The following RNF212 variants were observed in gnomAD, a reference collection of about 807,000 sequenced individuals.
RNF212 encodes probable E3 SUMO-protein ligase RNF212.
RNF212 carries 33 observed loss-of-function variants against 34.7 expected under a neutral mutation model. The observed-to-expected ratio is 0.95, with a 90% CI of 0.72 to 1.27. RNF212 has a LOEUF of 1.27. RNF212 is among the 50% of genes most tolerant of loss of function. The pLI is 0.00. For synonymous variants in RNF212, 140 were observed against 136.1 expected (o/e 1.03, Z -0.20); for missense variants, 377 against 362.2 (o/e 1.04, Z -0.33).
intron 8 of RNF212, among the ~76,000 whole-genome samples, chr4:1,075,831 C>T (rs1313604886): frequency 6.6e-6 from 1 of 152,020 alleles, no homozygotes; most frequent in Non-Finnish European, 1.5e-5. Flanking sequence ...CCACCATGCC[C>T]AGCTAATTTT....
chr4:1,059,761 A>G (rs944648866), intron 3 of RNF212, among the ~76,000 whole-genome samples: 4 of 152,276 alleles, frequency 2.6e-5, no homozygotes, highest in African/African-American at 9.6e-5. Flanking sequence ...GATGGCAGGT[A>G]TCTTTTGTTA....
At chr4:1,098,839 C>T (rs632319) in intron 2 of RNF212, among the ~76,000 whole-genome samples, 28,161 of 152,074 alleles carry the variant, frequency 0.19, 4,213 homozygotes, top group African/African-American at 0.42. Context: ...GCGCAGGGAG[C>T]GGGAACTGTC....
At chr4:1,099,854 A>C (rs1486926977) in intron 2 of RNF212, 2 of 456,098 alleles carry the variant, frequency 4.4e-6, no homozygotes, top group Admixed American at 4.7e-5. Context: ...CCTGTGCGGG[A>C]TCCACGGGGC....
At chr4:1,081,040 C>T (rs1014313027) in intron 7 of RNF212, among the ~76,000 whole-genome samples, 7 of 152,194 alleles carry the variant, frequency 4.6e-5, no homozygotes, top group Non-Finnish European at 1.0e-4. Context: ...GGCCATCCCC[C>T]AGGTGAAAGA....
chr4:1,099,250 T>C (rs1338946816), intron 2 of RNF212, among the ~76,000 whole-genome samples: 1 of 152,148 alleles, frequency 6.6e-6, no homozygotes, highest in African/African-American at 2.4e-5. Context: ...TCTGTGAAAA[T>C]GTGCTTCAAG....
chr4:1,107,361 C>T (rs1577834054), intron 2 of RNF212: 1 of 151,156 alleles, frequency 6.6e-6, no homozygotes, highest in East Asian at 2.0e-4. Flanking sequence ...GAGAAGACAC[C>T]ATTTTTATGA....
intron 2 of RNF212, among the ~76,000 whole-genome samples, chr4:1,107,871 T>C (rs1477129745): frequency 6.6e-6 from 1 of 152,252 alleles, no homozygotes; most frequent in Non-Finnish European, 1.5e-5. Context: ...ATGCACATTT[T>C]GGAGATCAGG....
chr4:1,079,801 C>T, intron 7 of RNF212, 113 bp from the exon 8 acceptor site: 1 of 787,754 alleles, frequency 1.3e-6, no homozygotes. Context: ...CTTCCTCTAG[C>T]TTCATGCTGC....
At chr4:1,097,971 A>G (rs1723320683) in intron 2 of RNF212, among the ~76,000 whole-genome samples, 1 of 152,126 alleles carries the variant, frequency 6.6e-6, no homozygotes, top group Non-Finnish European at 1.5e-5. Flanking sequence ...AGGCTGAGGC[A>G]GAAGAATCGC....
At chr4:1,099,388 C>G (rs774106945) in intron 2 of RNF212, among the ~76,000 whole-genome samples, 1 of 152,010 alleles carries the variant, frequency 6.6e-6, no homozygotes, top group Non-Finnish European at 1.5e-5. Flanking sequence ...CGGGAGGCAG[C>G]GAGGAGCAGG....
rs915018508 is a variant in RNF212 at position 1,072,342 on chromosome 4, T to G, written c.*532A>C. 4 of 153,852 alleles carry G rather than the reference T, an allele frequency of 2.6e-5. No homozygotes were observed. Among genetic ancestry groups the G allele is most frequent in the African/African-American group, 9.7e-5 (4 of 41,434 alleles). 9.5% of individuals were successfully genotyped at this position (153,852 alleles called of 1,614,324 possible). On this transcript the variant is annotated 3_prime_UTR_variant, in exon 10 of 10. Transcript: ENST00000433731. The stretch of plus-strand genomic sequence containing the variant: ...TACGATGGGGACACATGTCACTAGA[T>G]ATTTGTTCAAACCCATAGAACATTC...
At chr4:1,085,983 TCAGA>T in intron 4 of RNF212, 29 bp from the exon 5 acceptor site, 1 of 1,501,532 alleles carries the variant, frequency 6.7e-7, no homozygotes, top group Non-Finnish European at 9.3e-7. Context: ...CCTCTTGTTA[TCAGA>T]CAGGCTATGC....
At chr4:1,084,363 A>G (rs538577693) in intron 5 of RNF212, among the ~76,000 whole-genome samples, 55 of 152,322 alleles carry the variant, frequency 3.6e-4, no homozygotes, top group African/African-American at 1.3e-3. Context: ...TGCTGTCCAC[A>G]TAAGGTCTCC....
At chr4:1,059,149 C>T (rs924472207) in intron 3 of RNF212, among the ~76,000 whole-genome samples, 7 of 152,232 alleles carry the variant, frequency 4.6e-5, no homozygotes, top group African/African-American at 1.7e-4. Context: ...TGCTGCGGCA[C>T]GTCGGGGGGT....
chr4:1,093,542 C>CAGCCA, intron 3 of RNF212: 1 of 1,392,868 alleles, frequency 7.2e-7, no homozygotes, highest in South Asian at 1.3e-5. Context: ...AGCCTGTGAC[C>CAGCCA]TCCACGGCCC....
chr4:1,107,905 T>G (rs1021797462), intron 2 of RNF212, among the ~76,000 whole-genome samples: 4 of 152,248 alleles, frequency 2.6e-5, no homozygotes. Context: ...AATCATTTGT[T>G]TATACCAATA....
At chr4:1,087,596 GATGGGGT>G (rs1271059894) in intron 4 of RNF212, among the ~76,000 whole-genome samples, 1 of 150,680 alleles carries the variant, frequency 6.6e-6, no homozygotes, top group African/African-American at 2.5e-5. Context: ...TGGGTAATAG[GATGGGGT>G]AAAGGGGTGA....
chr4:1,061,342 G>A (rs978454389), intron 3 of RNF212, among the ~76,000 whole-genome samples: 6 of 152,198 alleles, frequency 3.9e-5, no homozygotes, highest in Non-Finnish European at 5.9e-5. Flanking sequence ...CATCAGCCAC[G>A]AGGGGTCCAT....
At chr4:1,081,993 A>G in intron 5 of RNF212, 1 of 283,666 alleles carries the variant, frequency 3.5e-6, no homozygotes, top group Non-Finnish European at 6.8e-6. Flanking sequence ...CCTCATGTCC[A>G]TCATCCCAAC....
Sources: allele counts gnomAD v4.1 joint callset (sites outside exome capture counted in the v4.1 genomes callset), GRCh38; gene constraint gnomAD v4.1.1; transcripts MANE v1.5; gene names NCBI Gene and HGNC (gene_info 2026-07-23, HGNC 2026-07-21).